HFM1: variants seen among roughly 807,000 people sequenced by gnomAD.
The protein encoded by HFM1 is helicase for meiosis 1.
HFM1 carries 169 observed loss-of-function variants against 192.1 expected under a neutral mutation model. The ratio of observed to expected loss-of-function variants is 0.88; its 90% CI spans 0.78 to 1.00. The LOEUF is 1.00. HFM1 is among the 50% of genes least tolerant of loss of function. The pLI is 0.00. For missense variants in HFM1, 1,661 were observed against 1,668.0 expected (o/e 1.00, Z 0.07); for synonymous variants, 525 against 537.8 (o/e 0.98, Z 0.33).
At chr1:91,264,655 G>T (rs1188493117) in intron 36 of HFM1, among the ~76,000 whole-genome samples, 2 of 151,806 alleles carry the variant, frequency 1.3e-5, no homozygotes, top group Admixed American at 1.3e-4. Context: ...TTACAAGCGT[G>T]AGCCACCGCG....
chr1:91,291,731 C>G (rs569507964), intron 30 of HFM1, among the ~76,000 whole-genome samples: 1 of 151,814 alleles, frequency 6.6e-6, no homozygotes, highest in South Asian at 2.1e-4. Flanking sequence ...ATACCAAAGA[C>G]GGGCAGAGAC....
chr1:91,345,320 G>T (rs536251008), intron 19 of HFM1, among the ~76,000 whole-genome samples: 1 of 152,220 alleles, frequency 6.6e-6, no homozygotes, highest in Non-Finnish European at 1.5e-5. Context: ...GTGGGAACAA[G>T]CTTGGTGTGT....
At chr1:91,361,592 A>G (rs1428581637) in intron 13 of HFM1, among the ~76,000 whole-genome samples, 1 of 152,234 alleles carries the variant, frequency 6.6e-6, no homozygotes, top group Non-Finnish European at 1.5e-5. Flanking sequence ...GCCCAGGACC[A>G]GAAAGATCCA....
chr1:91,397,229 C>G (rs1487959438), intron 2 of HFM1, among the ~76,000 whole-genome samples: 1 of 152,166 alleles, frequency 6.6e-6, no homozygotes, highest in Non-Finnish European at 1.5e-5. Context: ...ACAGAAAAAT[C>G]CAAGAAATCA....
chr1:91,360,366 G>C (rs1285326748), intron 13 of HFM1, among the ~76,000 whole-genome samples: 1 of 151,840 alleles, frequency 6.6e-6, no homozygotes, highest in Non-Finnish European at 1.5e-5. Flanking sequence ...CCAAGCAAAT[G>C]GAAAACAGAA....
At chr1:91,371,928 G>C (rs1424409257) in intron 13 of HFM1, among the ~76,000 whole-genome samples, 1 of 152,106 alleles carries the variant, frequency 6.6e-6, no homozygotes, top group Non-Finnish European at 1.5e-5. Flanking sequence ...GTGGGTGAAG[G>C]ATATGAACAG....
chr1:91,312,018 G>A (rs1650535363), intron 30 of HFM1, among the ~76,000 whole-genome samples: 1 of 152,202 alleles, frequency 6.6e-6, no homozygotes, highest in Non-Finnish European at 1.5e-5. Flanking sequence ...TATTGAGCCT[G>A]TGGGTACACA....
intron 15 of HFM1, among the ~76,000 whole-genome samples, 194 bp downstream of exon 15, chr1:91,352,857 T>C (rs1038057143): frequency 6.6e-6 from 1 of 151,916 alleles, no homozygotes; most frequent in African/African-American, 2.4e-5. Context: ...TACACCATGT[T>C]CAACAATATG....
chr1:91,335,804 C>T (rs868093987), intron 20 of HFM1, among the ~76,000 whole-genome samples: 4 of 152,070 alleles, frequency 2.6e-5, no homozygotes, highest in Middle Eastern at 3.4e-3. Flanking sequence ...CTGCTGTGCT[C>T]TGAATCATCA....
In HFM1 at chr1:91,380,226, G is replaced by T; in HGVS notation, c.884C>A (p.Thr295Lys). The T allele has an allele frequency of 6.5e-7, 1 of 1,543,540 alleles. No individual in the cohort carries two copies. Among genetic ancestry groups the T allele is most frequent in the Non-Finnish European group, 8.8e-7 (1 of 1,142,826 alleles). ...AGCACAAATCACAAAATTCCTATCT[G>T]TGTAAAGAAGCTAAAAAATAAAAAG... Reference protein sequence around the residue: ...QSKAFDDLLYTDRNFVICAPT... With the variant: ...QSKAFDDLLYKDRNFVICAPT... Residue 295 changes from threonine (T) to lysine (K), a missense_variant, in exon 8 of 39, where the codon ACA becomes AAA. Coordinates refer to ENST00000370425, the MANE Select transcript of HFM1 (RefSeq NM_001017975.6).
chr1:91,407,892 C>T (rs942106191), upstream of HFM1, among the ~76,000 whole-genome samples: 4 of 152,212 alleles, frequency 2.6e-5, no homozygotes, highest in African/African-American at 9.6e-5. Flanking sequence ...ACATCTTTTA[C>T]ACCCTGATTA....
At chr1:91,333,022 C>CAA (rs1654052583) in intron 20 of HFM1, among the ~76,000 whole-genome samples, 1 of 152,114 alleles carries the variant, frequency 6.6e-6, no homozygotes, top group Non-Finnish European at 1.5e-5. Context: ...TTAGTACAAC[C>CAA]ACTATGGAGA....
At chr1:91,373,431 A>C (rs1660504610) in intron 13 of HFM1, among the ~76,000 whole-genome samples, 1 of 152,144 alleles carries the variant, frequency 6.6e-6, no homozygotes, top group Admixed American at 6.6e-5. Context: ...GTTAATGTTC[A>C]TTACATAGTA....
At chr1:91,356,645 CAT>C (rs1657780181) in intron 13 of HFM1, among the ~76,000 whole-genome samples, 1 of 148,422 alleles carries the variant, frequency 6.7e-6, no homozygotes, top group South Asian at 2.1e-4. Flanking sequence ...ACCAAAAAAA[CAT>C]AGAAAATGAT....
upstream of HFM1, among the ~76,000 whole-genome samples, chr1:91,406,561 G>T (rs984276677): frequency 6.6e-6 from 1 of 152,102 alleles, no homozygotes; most frequent in Non-Finnish European, 1.5e-5. Context: ...ATCCCATTTT[G>T]GGGGGAGGGA....
intron 30 of HFM1, among the ~76,000 whole-genome samples, chr1:91,287,389 T>C (rs562347988): frequency 2.1e-3 from 318 of 152,042 alleles, no homozygotes; most frequent in Middle Eastern, 0.02. Context: ...AGGCACCCCC[T>C]AGCAGGGGCA....
chr1:91,393,687 C>T (rs1214767523), intron 4 of HFM1, among the ~76,000 whole-genome samples: 1 of 152,130 alleles, frequency 6.6e-6, no homozygotes, highest in Non-Finnish European at 1.5e-5. Context: ...CATATTTTAA[C>T]TCCCTTCTAT....
chr1:91,357,566 C>T lies in HFM1; in HGVS notation c.1686-4267G>A, dbSNP rs185170653. ...AGTACAAGGCAGGGATGCCCACTCT[C>T]ACTGCTTCTATTCAACACAGTACTG... On this transcript the variant is annotated intron_variant, in intron 13 of 38. Transcript: ENST00000370425. Among the ~76,000 whole-genome samples, 128 of 152,266 alleles carry T rather than the reference C, an allele frequency of 8.4e-4. 1 individual carries two copies. The highest frequency in any genetic ancestry group is 3.5e-3 in the South Asian group (17 of 4,804).
chr1:91,366,239 T>C (rs914738039), intron 13 of HFM1, among the ~76,000 whole-genome samples: 4 of 152,224 alleles, frequency 2.6e-5, no homozygotes, highest in Non-Finnish European at 5.9e-5. Flanking sequence ...TCCCTACTCA[T>C]ATAGATAAGT....
Sources: gnomAD v4.1 joint callset for allele counts (sites outside exome capture counted in the v4.1 genomes callset) on GRCh38, gnomAD v4.1.1 for gene constraint, MANE v1.5 for transcripts, NCBI Gene and HGNC (gene_info 2026-07-23, HGNC 2026-07-21) for gene names.